NPHP3: variants seen among roughly 807,000 people sequenced by gnomAD.
NPHP3 encodes nephrocystin 3, also known as nephrocystin-3.
Under a neutral mutation model 171.9 loss-of-function variants are expected in NPHP3, and 123 were observed. That is an observed-to-expected ratio of 0.72 (90% CI 0.62 to 0.83). The LOEUF (loss-of-function observed/expected upper bound fraction) is 0.83. Among genes scored for constraint, NPHP3 ranks in the 40% least tolerant of loss-of-function variants. The pLI is 0.00. For missense variants in NPHP3, 1,506 were observed against 1,591.9 expected, an observed-to-expected ratio of 0.95 and a Z score of 0.92; for synonymous variants, 558 against 579.2, an observed-to-expected ratio of 0.96 and a Z score of 0.52.
In NPHP3 at chr3:132,695,031, G is replaced by A. The variant is rs12633369; in HGVS notation, c.2172-66C>T. 0.06 allele frequency: 90,884 copies of A among 1,504,318 alleles called. 10,000 individuals carry two copies. The highest frequency in any genetic ancestry group is 0.59 in the East Asian group (25,976 of 44,340). 93.2% of individuals were successfully genotyped at this position (1,504,318 alleles called of 1,614,324 possible). On this transcript the variant is annotated intron_variant, in intron 15 of 26. Transcript: ENST00000337331. ...CAACATCTGTGAAAATTTTGAGATC[G>A]ATTAAAAACAACGTGAACTCTATTT... is the stretch of plus-strand genomic sequence containing the variant.
chr3:132,699,831 C>T (rs1455397256), intron 12 of NPHP3, 87 bp downstream of exon 12: 8 of 1,416,750 alleles, frequency 5.6e-6, no homozygotes, highest in Non-Finnish European at 7.0e-6. Context: ...ATTTTCTTCT[C>T]ACAAACATAT....
intron 13 of NPHP3, 74 bp downstream of exon 13, chr3:132,699,279 C>A: frequency 1.0e-6 from 1 of 997,486 alleles, no homozygotes; most frequent in East Asian, 2.4e-5. Flanking sequence ...ACCATAAATG[C>A]ATATTAAAAA....
At chr3:132,701,797 T>C (rs1054826825) in intron 9 of NPHP3, among the ~76,000 whole-genome samples, 3 of 151,544 alleles carry the variant, frequency 2.0e-5, no homozygotes, top group Non-Finnish European at 2.9e-5. Flanking sequence ...CTGAGGCGGG[T>C]GGATCATGAG....
Position 132,697,327 on chromosome 3 carries a change from G to T in NPHP3, c.2021C>A (p.Pro674Gln). ...AATTATAATAGATTTTGCATCTTTT[G>T]GACTTAAGGGATCAAGATGAAGTGT... ...WPTLHLDPLS[P>Q]KDAKSIIIAE... The change falls in exon 14 of 27, where the codon CCA (proline) becomes CAA (glutamine). Residue 674 changes from proline to glutamine, a missense_variant. Pro to Gln is a moderately conservative substitution (Grantham distance 76, BLOSUM62 -1). Around this residue, in one of 3 missense-constraint regions of NPHP3, gnomAD observed 930 missense variants for 924.9 expected, o/e 1.01. Transcript: ENST00000337331. 6.2e-7 allele frequency: 1 copy of T among 1,611,904 alleles called. No individual in the cohort carries two copies. Among genetic ancestry groups the T allele is most frequent in the East Asian group, 2.2e-5 (1 of 44,784 alleles).
chr3:132,695,661 C>G lies in NPHP3; in HGVS notation c.2172-696G>C, dbSNP rs555185075. Among the ~76,000 whole-genome samples, 5 of 152,238 alleles carry G rather than the reference C, an allele frequency of 3.3e-5. No homozygotes were observed. In the South Asian group the frequency reaches 1.0e-3, roughly 32 times the overall value. ...GGAAATATCACAGGCAGGCTGGGTA[C>G]AGTGGCTCACATGCTGTAATCCCAG... On this transcript the variant is annotated intron_variant, in intron 15 of 26. Coordinates refer to ENST00000337331, the MANE Select transcript of NPHP3 (RefSeq NM_153240.5).
intron 10 of NPHP3, 120 bp from the exon 11 acceptor site, chr3:132,700,568 T>G (rs1354345437): frequency 1.4e-5 from 8 of 585,596 alleles, no homozygotes; most frequent in Non-Finnish European, 2.4e-5. Flanking sequence ...GGTGGTCAGT[T>G]ACTTTTAAAT....
At chr3:132,682,256 T>C (rs895017397) in intron 26 of NPHP3, 166 bp from the exon 27 acceptor site, 4 of 648,222 alleles carry the variant, frequency 6.2e-6, no homozygotes, top group Non-Finnish European at 1.1e-5. Flanking sequence ...CAAACTCTTC[T>C]CCTTTCTACC....
At chr3:132,687,478 T>G (rs1301374265) in intron 21 of NPHP3, among the ~76,000 whole-genome samples, 1 of 152,182 alleles carries the variant, frequency 6.6e-6, no homozygotes, top group Non-Finnish European at 1.5e-5. Flanking sequence ...TTAAAAAAAT[T>G]TTGACAAAAC....
intron 8 of NPHP3, 23 bp downstream of exon 8, chr3:132,705,717 A>T (rs757895791): frequency 9.7e-6 from 11 of 1,134,422 alleles, no homozygotes; most frequent in Non-Finnish European, 9.3e-6. Flanking sequence ...TTAGATGAAA[A>T]CTTACAGAGA....
intron 5 of NPHP3, among the ~76,000 whole-genome samples, chr3:132,713,540 C>A (rs913631791): frequency 6.6e-6 from 1 of 152,064 alleles, no homozygotes; most frequent in Non-Finnish European, 1.5e-5. Flanking sequence ...AAAGCTAGAA[C>A]AACAGGAGAC....
At chr3:132,689,984 T>C (rs1307586856) in intron 19 of NPHP3, among the ~76,000 whole-genome samples, 1 of 152,158 alleles carries the variant, frequency 6.6e-6, no homozygotes, top group Non-Finnish European at 1.5e-5. Context: ...CTCATGAAGC[T>C]TAGTAGGTTA....
At chr3:132,703,246 A>G (rs1459110635) in intron 9 of NPHP3, among the ~76,000 whole-genome samples, 1 of 152,248 alleles carries the variant, frequency 6.6e-6, no homozygotes. Context: ...TTAGTAAATG[A>G]TGGAACCAGG....
At position 132,681,838 on chromosome 3, in the gene NPHP3, C is replaced by T; in HGVS notation, c.*72G>A. 2.1e-6 allele frequency: 3 copies of T among 1,403,732 alleles called. No individual in the cohort carries two copies. The highest frequency in any genetic ancestry group is 2.4e-5 in the South Asian group (2 of 85,050). The allele number at this position is 1,403,732 out of a possible 1,614,324, so 87.0% of individuals were successfully genotyped here. On this transcript the variant is annotated 3_prime_UTR_variant, in exon 27 of 27. Coordinates refer to ENST00000337331, the MANE Select transcript of NPHP3 (RefSeq NM_153240.5). The stretch of plus-strand genomic sequence containing the variant: ...TTCGTACAACATTTTTTTAAAGTTT[C>T]AAATTCAAATGTTCCAAATGTTTAA...
intron 21 of NPHP3, among the ~76,000 whole-genome samples, chr3:132,688,327 A>G (rs1939211933): frequency 6.6e-6 from 1 of 152,222 alleles, no homozygotes; most frequent in South Asian, 2.1e-4. Context: ...TGAAATCTGA[A>G]CAAATCCAAA....
Position 132,706,872 on chromosome 3 carries a change from G to A in NPHP3, c.1276-1058C>T, listed in dbSNP as rs111241598. The stretch of plus-strand genomic sequence containing the variant: ...CTGATACTACAATAATTAAAACAAA[G>A]AATGAAATGGCTCTGGAAATTATAA... On this transcript the variant is annotated intron_variant, in intron 7 of 26. Coordinates refer to ENST00000337331, the MANE Select transcript of NPHP3 (RefSeq NM_153240.5). Among the ~76,000 whole-genome samples, 1,053 of 152,252 alleles carry A rather than the reference G, an allele frequency of 6.9e-3. 9 individuals carry two copies. The highest frequency in any genetic ancestry group is 0.025 in the African/African-American group (1,021 of 41,536).
intron 12 of NPHP3, 22 bp downstream of exon 12, chr3:132,699,895 AG>A (rs1276288444): frequency 6.2e-7 from 1 of 1,612,588 alleles, no homozygotes; most frequent in Non-Finnish European, 8.5e-7. Context: ...GCATATCAAT[AG>A]GTAACAAATG....
At chr3:132,703,795 G>A (rs1939678628) in intron 9 of NPHP3, among the ~76,000 whole-genome samples, 2 of 152,070 alleles carry the variant, frequency 1.3e-5, no homozygotes, top group Admixed American at 6.6e-5. Context: ...GCTCAGGCTA[G>A]TTTCAAACTC....
In NPHP3 at chr3:132,722,280, C is replaced by T. The variant is rs1465502034; in HGVS notation, c.76G>A (p.Glu26Lys). Residue 26 changes from glutamate to lysine, a missense_variant, in exon 1 of 27, where the codon GAG becomes AAG. Glu to Lys is a moderately conservative substitution (Grantham distance 56, BLOSUM62 1). Transcript: ENST00000337331. ...IEDTYGAGGGEACEIPVEVKP... is the reference protein window; with the variant it reads ...IEDTYGAGGGKACEIPVEVKP... ...ACCTCCACCGGGATCTCGCAGGCCT[C>T]GCCGCCGCCCGCCCCGTACGTGTCC... 4.4e-6 allele frequency: 7 copies of T among 1,578,498 alleles called. No homozygotes were observed. The highest frequency in any genetic ancestry group is 6.0e-6 in the Non-Finnish European group (7 of 1,171,410).
Position 132,708,218 on chromosome 3 carries a change from G to T in NPHP3, c.1158C>A (p.Asn386Lys). The T allele has an allele frequency of 6.2e-7, 1 of 1,614,162 alleles. No individual in the cohort carries two copies. Among genetic ancestry groups the T allele is most frequent in the East Asian group, 2.2e-5 (1 of 44,886 alleles). ...LEDCEEAFLK[N>K]PEGKPRLIFH... ...AGATTAATCGAGGTTTTCCTTCAGG[G>T]TTTTTCAGAAAAGCTTCTTCACAGT... The change falls in exon 7 of 27, where the codon AAC (asparagine) becomes AAA (lysine). Residue 386 changes from asparagine to lysine, a missense_variant. Physicochemically the swap from Asn to Lys is moderately conservative, Grantham distance 94. Transcript: ENST00000337331.
Sources: allele counts gnomAD v4.1 joint callset (sites outside exome capture counted in the v4.1 genomes callset), GRCh38; gene constraint gnomAD v4.1.1; regional missense constraint gnomAD v4.1.1; transcripts MANE v1.5; gene names NCBI Gene and HGNC (gene_info 2026-07-23, HGNC 2026-07-21).